ZNF727: variants seen among roughly 807,000 people sequenced by gnomAD.
ZNF727 encodes the protein zinc finger protein 727, also known as putative zinc finger protein 727.
Under a neutral mutation model 11.5 loss-of-function variants are expected in ZNF727, and 11 were observed. The ratio of observed to expected loss-of-function variants is 0.95; its 90% CI spans 0.60 to 1.58. The LOEUF is 1.58. ZNF727 is among the 40% of genes most tolerant of loss of function. ZNF727 has a pLI of 0.00. For missense variants in ZNF727, 533 were observed against 581.7 expected (o/e 0.92, Z 0.86); for synonymous variants, 171 against 196.1 (o/e 0.87, Z 1.07).
rs1785767418 is a variant in ZNF727 at position 64,080,354 on chromosome 7, A to T, written c.*1805A>T. On this transcript the variant is annotated 3_prime_UTR_variant, in exon 4 of 4. Coordinates refer to ENST00000456806, the MANE Select transcript of ZNF727 (RefSeq NM_001159522.3). ...TTGGAGGTTTTGTTCATTCCTCTTT[A>T]TACTTTTTTCACTATTCTTGTCTGT... is the stretch of plus-strand genomic sequence containing the variant. Among the ~76,000 whole-genome samples, 1 of 152,042 alleles carries T rather than the reference A, an allele frequency of 6.6e-6. No homozygotes were observed. Among genetic ancestry groups the T allele is most frequent in the Non-Finnish European group, 1.5e-5 (1 of 68,002 alleles).
Position 64,045,530 on chromosome 7 carries a change from C to A in ZNF727, c.-92C>A. 2 of 1,515,298 alleles carry A rather than the reference C, an allele frequency of 1.3e-6. No homozygotes were observed. The highest frequency in any genetic ancestry group is 1.8e-6 in the Non-Finnish European group (2 of 1,113,902). 93.9% of individuals were successfully genotyped at this position (1,515,298 alleles called of 1,614,324 possible). A position where few individuals can be genotyped will look rare whatever the true frequency, so the allele number is the denominator to read the frequency against. ...TCCATCTCTTCCGCTCCATTAGCTC[C>A]TCGGTGACTCCACCATAGCCCCTGT... On this transcript the variant is annotated 5_prime_UTR_variant, in exon 1 of 4. Transcript: ENST00000456806.
At chr7:64,075,056 T>C (rs1197805297) in intron 3 of ZNF727, among the ~76,000 whole-genome samples, 1 of 152,144 alleles carries the variant, frequency 6.6e-6, no homozygotes, top group African/African-American at 2.4e-5. Context: ...GTGAATTAGA[T>C]AATTAATAGG....
In ZNF727 at chr7:64,081,845, T is replaced by G. The variant is rs1368118363; in HGVS notation, c.*3296T>G. ...AATGGCCACACTCTACTACAGGTGC[T>G]CTTGCACTAAACCCTCTGGGTACCA... On this transcript the variant is annotated 3_prime_UTR_variant, in exon 4 of 4. Coordinates refer to ENST00000456806, the MANE Select transcript of ZNF727 (RefSeq NM_001159522.3). Among the ~76,000 whole-genome samples the G allele has an allele frequency of 2.0e-5, 3 of 152,144 alleles. No homozygotes were observed. The highest frequency in any genetic ancestry group is 7.2e-5 in the African/African-American group (3 of 41,442).
Position 64,079,303 on chromosome 7 carries a change from T to TA in ZNF727, c.*755dup, listed in dbSNP as rs1341011919. Among the ~76,000 whole-genome samples the TA allele has an allele frequency of 6.6e-6, 1 of 152,344 alleles. No individual in the cohort carries two copies. The highest frequency in any genetic ancestry group is 2.4e-5 in the African/African-American group (1 of 41,584). The stretch of plus-strand genomic sequence containing the variant: ...CATATTGTGTTCAACATCAGAGACT[T>TA]ACTACTGAACAAATGTAGTATAAAG... On this transcript the variant is annotated 3_prime_UTR_variant, in exon 4 of 4. Transcript: ENST00000456806.
chr7:64,068,859 TG>T, intron 1 of ZNF727, 31 bp from the exon 2 acceptor site: 1 of 1,559,334 alleles, frequency 6.4e-7, no homozygotes, highest in Non-Finnish European at 8.7e-7. Flanking sequence ...ATTATTTCTT[TG>T]GTCACTTGGT....
In ZNF727 at chr7:64,082,938, G is replaced by A. The variant is rs184064888; in HGVS notation, c.*4389G>A. 4.6e-5 allele frequency among the ~76,000 whole-genome samples: 7 copies of A among 152,074 alleles called. No homozygotes were observed. In the East Asian group the frequency reaches 1.2e-3, roughly 25 times the overall value. ...CATTTTTGTAGGACAGCTCTGCTGT[G>A]CAGAAGTACCACTTCCACCCCCAGT... On this transcript the variant is annotated 3_prime_UTR_variant, in exon 4 of 4. Coordinates refer to ENST00000456806, the MANE Select transcript of ZNF727 (RefSeq NM_001159522.3).
chr7:64,052,281 C>G (rs1431958360), intron 1 of ZNF727, among the ~76,000 whole-genome samples: 1 of 151,856 alleles, frequency 6.6e-6, no homozygotes, highest in Non-Finnish European at 1.5e-5. Flanking sequence ...TACTGGTACA[C>G]ATCACTGAAA....
intron 1 of ZNF727, among the ~76,000 whole-genome samples, chr7:64,050,444 G>A (rs1476600873): frequency 2.0e-5 from 3 of 152,260 alleles, no homozygotes; most frequent in South Asian, 4.1e-4. Context: ...AGCCTGTGGC[G>A]CTTTATCTGT....
chr7:64,051,375 G>A (rs1198722121), intron 1 of ZNF727, among the ~76,000 whole-genome samples: 2 of 152,058 alleles, frequency 1.3e-5, no homozygotes, highest in African/African-American at 2.4e-5. Flanking sequence ...TTTTCAGGTC[G>A]TATTTTCTAG....
chr7:64,081,172 G>A lies in ZNF727; in HGVS notation c.*2623G>A, dbSNP rs1224789165. On this transcript the variant is annotated 3_prime_UTR_variant, in exon 4 of 4. Coordinates refer to ENST00000456806, the MANE Select transcript of ZNF727 (RefSeq NM_001159522.3). Reference sequence around the variant, plus strand: ...AGCAAAGCAGCTGGGAGGGGAGTGGGGGTTACCTGCTGGAGACTGTGTGCT... The same window carrying A: ...AGCAAAGCAGCTGGGAGGGGAGTGGAGGTTACCTGCTGGAGACTGTGTGCT... 6.6e-6 allele frequency among the ~76,000 whole-genome samples: 1 copy of A among 152,024 alleles called. No homozygotes were observed. Among genetic ancestry groups the A allele is most frequent in the East Asian group, 1.9e-4 (1 of 5,154 alleles).
rs184814093 is a variant in ZNF727 at position 64,063,610 on chromosome 7, C to T, written c.4-5281C>T. 1.3e-3 allele frequency among the ~76,000 whole-genome samples: 174 copies of T among 133,300 alleles called. No individual in the cohort carries two copies. The South Asian group carries it at 0.016, about 12-fold the overall frequency. The allele number at this position is 133,300 out of a possible 152,430, so 87.4% of individuals were successfully genotyped here. ...GCACAGGACTGGCTCTCACATAAGG[C>T]CCACAGTGACCTAGCTACTACTGAT... On this transcript the variant is annotated intron_variant, in intron 1 of 3. Transcript: ENST00000456806.
intron 3 of ZNF727, among the ~76,000 whole-genome samples, chr7:64,072,345 CTT>C (rs1370831023): frequency 6.6e-6 from 1 of 152,008 alleles, no homozygotes; most frequent in East Asian, 1.9e-4. Flanking sequence ...TTAATCCTGT[CTT>C]ATTTCTTGGC....
chr7:64,054,435 T>C (rs528861822), intron 1 of ZNF727, among the ~76,000 whole-genome samples: 4 of 152,204 alleles, frequency 2.6e-5, no homozygotes, highest in Non-Finnish European at 5.9e-5. Flanking sequence ...CTCTTCTATC[T>C]TAATAGCTGC....
intron 3 of ZNF727, among the ~76,000 whole-genome samples, chr7:64,073,176 T>C (rs1283787661): frequency 6.6e-6 from 1 of 152,104 alleles, no homozygotes; most frequent in Non-Finnish European, 1.5e-5. Context: ...AGGCCCTTTT[T>C]TTGTTTAAAT....
rs1789915704 is a variant in ZNF727, at chr7:64,068,984, A to C, written c.97A>C (p.Met33Leu). 3 of 1,606,018 alleles carry C rather than the reference A, an allele frequency of 1.9e-6. No homozygotes were observed. ...TCAGCAGCGTTTGTATAGGGATGTGATGTTAGAGAACTACGGAAACCTGTT... is the reference window on the plus strand; with the variant it reads ...TCAGCAGCGTTTGTATAGGGATGTGCTGTTAGAGAACTACGGAAACCTGTT... ...SAQQRLYRDV[M>L]LENYGNLFSL... Residue 33 changes from methionine to leucine, a missense_variant, in exon 2 of 4, where the codon ATG becomes CTG. Physicochemically the swap from Met to Leu is conservative, Grantham distance 15. Transcript: ENST00000456806.
In ZNF727 at chr7:64,084,859, G is replaced by T. The variant is rs1030634573; in HGVS notation, c.*6310G>T. On this transcript the variant is annotated 3_prime_UTR_variant, in exon 4 of 4. Coordinates refer to ENST00000456806, the MANE Select transcript of ZNF727 (RefSeq NM_001159522.3). ...TTGTATACCTATTTTGAGAAGAAAA[G>T]AAAAATATTAGAGTGAAACAGATAA... 6.6e-6 allele frequency among the ~76,000 whole-genome samples: 1 copy of T among 152,106 alleles called. No individual in the cohort carries two copies. Among genetic ancestry groups the T allele is most frequent in the Non-Finnish European group, 1.5e-5 (1 of 67,984 alleles).
chr7:64,062,132 C>G (rs180703096), intron 1 of ZNF727, among the ~76,000 whole-genome samples: 1 of 151,752 alleles, frequency 6.6e-6, no homozygotes, highest in Admixed American at 6.6e-5. Context: ...GAGTTATGGC[C>G]TTAAGGAGGT....
At chr7:64,065,248 A>G (rs1233226329) in intron 1 of ZNF727, among the ~76,000 whole-genome samples, 1 of 152,164 alleles carries the variant, frequency 6.6e-6, no homozygotes, top group East Asian at 1.9e-4. Flanking sequence ...AGTCCCAGAT[A>G]AAGATCATAG....
At chr7:64,045,682 G>C in intron 1 of ZNF727, 58 bp downstream of exon 1, 1 of 1,551,904 alleles carries the variant, frequency 6.4e-7, no homozygotes, top group Non-Finnish European at 8.7e-7. Context: ...AATCCGGTCG[G>C]AACTGGCTGC....
Sources: gnomAD v4.1 joint callset for allele counts (sites outside exome capture counted in the v4.1 genomes callset) on GRCh38, gnomAD v4.1.1 for gene constraint, MANE v1.5 for transcripts, NCBI Gene and HGNC (gene_info 2026-07-23, HGNC 2026-07-21) for gene names.